The following ASIC2 variants were observed in gnomAD, a reference collection of about 807,000 sequenced individuals.
The protein encoded by ASIC2 is acid-sensing ion channel 2.
Under a neutral mutation model 57.3 loss-of-function variants are expected in ASIC2, and 25 were observed. That is an observed-to-expected ratio of 0.44 (90% CI 0.32 to 0.61). The LOEUF (loss-of-function observed/expected upper bound fraction) is 0.61, where lower values mean the gene tolerates loss of function less well. ASIC2 is among the 20% of genes least tolerant of loss of function. The pLI, the probability that ASIC2 is intolerant of heterozygous loss-of-function variation, is 0.06. For missense variants in ASIC2, 641 were observed against 738.1 expected, an observed-to-expected ratio of 0.87 and a Z score of 1.52; for synonymous variants, 319 against 307.5, an observed-to-expected ratio of 1.04 and a Z score of -0.39.
At chr17:33,618,483 G>A (rs1021646107) in intron 1 of ASIC2, among the ~76,000 whole-genome samples, 2 of 152,118 alleles carry the variant, frequency 1.3e-5, no homozygotes, top group African/African-American at 4.8e-5. Context: ...AAAGTACAAA[G>A]CCAATGGGAA....
chr17:33,546,770 T>C (rs2036609530), intron 1 of ASIC2, among the ~76,000 whole-genome samples: 1 of 152,126 alleles, frequency 6.6e-6, no homozygotes. Context: ...AACATTTCTC[T>C]CTCCTCTTAC....
At chr17:34,025,371 T>C (rs891525182) in intron 1 of ASIC2, among the ~76,000 whole-genome samples, 6 of 152,192 alleles carry the variant, frequency 3.9e-5, no homozygotes, top group African/African-American at 1.4e-4. Flanking sequence ...GATACCCCTA[T>C]ACCTTAGAAA....
rs777243834 is a variant in ASIC2 at position 33,112,040 on chromosome 17, T to C, written c.736A>G (p.Met246Val). The part of the protein sequence containing the change: ...SVFTKYGKCY[M>V]FNSGEDGKPL... Reference sequence around the variant, plus strand: ...TTGCCATCCTCGCCTGAGTTAAACATGTAACACTTCCCATATTTTGTAAAC... The same window carrying C: ...TTGCCATCCTCGCCTGAGTTAAACACGTAACACTTCCCATATTTTGTAAAC... Residue 246 changes from methionine (M) to valine (V), a missense_variant, in exon 2 of 10, where the codon ATG (methionine) becomes GTG (valine). Physicochemically the swap from Met to Val is conservative, Grantham distance 21. Coordinates refer to ENST00000225823, the MANE Select transcript of ASIC2 (RefSeq NM_183377.2). 2 of 1,613,778 alleles carry C rather than the reference T, an allele frequency of 1.2e-6. No homozygotes were observed. Among genetic ancestry groups the C allele is most frequent in the South Asian group, 1.1e-5 (1 of 91,000 alleles).
At chr17:33,960,559 C>T (rs1904887640) in intron 1 of ASIC2, among the ~76,000 whole-genome samples, 1 of 152,160 alleles carries the variant, frequency 6.6e-6, no homozygotes, top group African/African-American at 2.4e-5. Flanking sequence ...ACCTCAACTC[C>T]TTAACCATGG....
intron 1 of ASIC2, among the ~76,000 whole-genome samples, chr17:34,081,725 A>G (rs950405894): frequency 1.3e-5 from 2 of 152,000 alleles, no homozygotes; most frequent in African/African-American, 4.8e-5. Flanking sequence ...TCTTCTCAAA[A>G]CTTCTTCTGT....
At chr17:33,538,072 G>A (rs937444045) in intron 1 of ASIC2, among the ~76,000 whole-genome samples, 1 of 152,192 alleles carries the variant, frequency 6.6e-6, no homozygotes, top group Non-Finnish European at 1.5e-5. Context: ...AAGATTAAAA[G>A]TCTTGAGTAA....
chr17:33,622,677 G>A (rs1364319357), intron 1 of ASIC2, among the ~76,000 whole-genome samples: 4 of 152,136 alleles, frequency 2.6e-5, no homozygotes, highest in Non-Finnish European at 4.4e-5. Context: ...CATGTTATAG[G>A]ATAGTTCTAA....
At chr17:33,023,732 CAG>C in intron 6 of ASIC2, 127 bp downstream of exon 6, 1 of 1,256,166 alleles carries the variant, frequency 8.0e-7, no homozygotes, top group Non-Finnish European at 1.1e-6. Context: ...GCGTGACACA[CAG>C]AGGGTGTTCA....
intron 1 of ASIC2, chr17:33,792,292 G>A (rs568202159): frequency 6.6e-6 from 1 of 152,218 alleles, no homozygotes; most frequent in Non-Finnish European, 1.5e-5. Flanking sequence ...CTACTTCCAA[G>A]GGCTGGGAAC....
intron 1 of ASIC2, among the ~76,000 whole-genome samples, chr17:33,499,773 G>A (rs995626377): frequency 6.6e-6 from 1 of 152,236 alleles, no homozygotes; most frequent in African/African-American, 2.4e-5. Flanking sequence ...GCCACTTTCT[G>A]TTGGATTGCA....
At chr17:33,969,791 A>G (rs1447138261) in intron 1 of ASIC2, among the ~76,000 whole-genome samples, 2 of 152,150 alleles carry the variant, frequency 1.3e-5, no homozygotes, top group African/African-American at 4.8e-5. Flanking sequence ...AGAGAAGTGG[A>G]GAGTCCCAGG....
chr17:34,143,243 G>C (rs183966360), intron 1 of ASIC2, among the ~76,000 whole-genome samples: 127 of 152,288 alleles, frequency 8.3e-4, no homozygotes, highest in African/African-American at 2.6e-3. Flanking sequence ...ACTGAGTGAC[G>C]TTGTGCCAGT....
At chr17:33,901,748 T>C (rs1412289696) in intron 1 of ASIC2, among the ~76,000 whole-genome samples, 2 of 152,152 alleles carry the variant, frequency 1.3e-5, no homozygotes, top group Non-Finnish European at 2.9e-5. Flanking sequence ...TCTTGGTAAA[T>C]AGAGGTGTAG....
chr17:33,062,365 T>C lies in ASIC2; in HGVS notation c.987+26498A>G, dbSNP rs868139982. Among the ~76,000 whole-genome samples the C allele has an allele frequency of 1.5e-4, 23 of 152,356 alleles. No individual in the cohort carries two copies. The South Asian group carries it at 3.1e-3, about 21-fold the overall frequency. On this transcript the variant is annotated intron_variant, in intron 3 of 9. Transcript: ENST00000225823. The stretch of plus-strand genomic sequence containing the variant: ...CCAGAGATTCTGGTATGTTGTGTCT[T>C]TGTTCTTGTTGGTTTCAAAGAACAT...
At position 34,017,878 on chromosome 17, in the gene ASIC2, T is replaced by G. The variant is rs190107453; in HGVS notation, c.555+138100A>C. The stretch of plus-strand genomic sequence containing the variant: ...GGAAAAGAAACCATCTCCTTGTATG[T>G]ATCTTCACCTTGCATAAAAGTGCAA... On this transcript the variant is annotated intron_variant, in intron 1 of 9. Transcript: ENST00000359872. 3.3e-3 allele frequency among the ~76,000 whole-genome samples: 505 copies of G among 152,366 alleles called. 1 individual carries two copies. Among genetic ancestry groups the G allele is most frequent in the Middle Eastern group, 0.014 (4 of 294 alleles).
At chr17:33,699,990 GA>G (rs1555552942) in intron 1 of ASIC2, among the ~76,000 whole-genome samples, 134 of 145,648 alleles carry the variant, frequency 9.2e-4, no homozygotes, top group African/African-American at 3.2e-3. Context: ...ATGCTTAATG[GA>G]AAAAAAAACC....
intron 1 of ASIC2, among the ~76,000 whole-genome samples, chr17:33,857,963 T>C (rs1005225194): frequency 1.3e-5 from 2 of 152,196 alleles, no homozygotes; most frequent in Non-Finnish European, 2.9e-5. Context: ...ACAGCAAACC[T>C]CTGTCCAGCT....
intron 1 of ASIC2, among the ~76,000 whole-genome samples, chr17:33,254,409 A>C (rs1287565199): frequency 3.3e-5 from 5 of 152,158 alleles, no homozygotes; most frequent in Non-Finnish European, 5.9e-5. Context: ...AGTTGGGACA[A>C]AAGTGAAGTT....
intron 1 of ASIC2, among the ~76,000 whole-genome samples, chr17:33,750,720 T>C (rs1910405073): frequency 6.6e-6 from 1 of 152,198 alleles, no homozygotes; most frequent in Non-Finnish European, 1.5e-5. Context: ...CATCAGGCAT[T>C]GTCTGATTGG....
Sources: allele counts gnomAD v4.1 joint callset (sites outside exome capture counted in the v4.1 genomes callset), GRCh38; gene constraint gnomAD v4.1.1; transcripts MANE v1.5; gene names NCBI Gene and HGNC (gene_info 2026-07-23, HGNC 2026-07-21).